The following GBF1 variants were observed in gnomAD, a reference collection of about 807,000 sequenced individuals.
GBF1 encodes golgi brefeldin A resistant guanine nucleotide exchange factor 1, also known as Golgi-specific brefeldin A-resistance guanine nucleotide exchange factor 1.
A neutral mutation model predicts 210.5 loss-of-function variants in GBF1; 114 were observed. The ratio of observed to expected loss-of-function variants is 0.54; its 90% CI spans 0.47 to 0.63. The LOEUF (loss-of-function observed/expected upper bound fraction) is 0.63. GBF1 is among the 30% of genes least tolerant of loss of function. The pLI, the probability that GBF1 is intolerant of heterozygous loss-of-function variation, is 0.00. For synonymous variants in GBF1, 850 were observed against 889.2 expected (o/e 0.96, Z 0.78); for missense variants, 1,851 against 2,357.7 (o/e 0.79, Z 4.45).
intron 3 of GBF1, among the ~76,000 whole-genome samples, chr10:102,312,937 C>T (rs1386599734): frequency 6.6e-6 from 1 of 152,042 alleles, no homozygotes; most frequent in Non-Finnish European, 1.5e-5. Context: ...TGGCTAGGCT[C>T]ATCTTGATGG....
chr10:102,309,977 A>G (rs552358991), intron 3 of GBF1, among the ~76,000 whole-genome samples: 1 of 152,356 alleles, frequency 6.6e-6, no homozygotes, highest in African/African-American at 2.4e-5. Flanking sequence ...TAGGGAAAAT[A>G]CAACCAACTG....
At chr10:102,252,556 A>G (rs1330666105) in intron 1 of GBF1, among the ~76,000 whole-genome samples, 1 of 152,060 alleles carries the variant, frequency 6.6e-6, no homozygotes, top group East Asian at 1.9e-4. Flanking sequence ...TTTAAAAAGT[A>G]GGAATGATGT....
intron 3 of GBF1, among the ~76,000 whole-genome samples, chr10:102,268,586 T>C (rs982265943): frequency 2.6e-5 from 4 of 152,086 alleles, no homozygotes; most frequent in Non-Finnish European, 2.9e-5. Context: ...AGCCAGCTGC[T>C]GTTTTTTTTT....
chr10:102,271,374 G>A (rs2074402305), intron 3 of GBF1, among the ~76,000 whole-genome samples: 1 of 151,992 alleles, frequency 6.6e-6, no homozygotes, highest in Non-Finnish European at 1.5e-5. Flanking sequence ...TGTAGAGACA[G>A]GATCTTGCTG....
the GBF1 span, among the ~76,000 whole-genome samples, chr10:102,234,525 G>T: frequency 6.6e-6 from 1 of 152,184 alleles, no homozygotes; most frequent in Non-Finnish European, 1.5e-5. Context: ...ACAATGCTCT[G>T]ATGGAAGGGA....
intron 3 of GBF1, among the ~76,000 whole-genome samples, chr10:102,297,561 G>C (rs758663079): frequency 2.6e-5 from 4 of 152,210 alleles, no homozygotes; most frequent in Admixed American, 2.0e-4. Flanking sequence ...CTTGTAGATA[G>C]ATTTGAATAG....
chr10:102,303,920 A>G (rs1202298698), intron 3 of GBF1, among the ~76,000 whole-genome samples: 1 of 152,110 alleles, frequency 6.6e-6, no homozygotes, highest in East Asian at 1.9e-4. Context: ...TTGTCATTTT[A>G]CAGATGCAGA....
chr10:102,343,788 A>G (rs555351204), intron 3 of GBF1, among the ~76,000 whole-genome samples: 1 of 127,842 alleles, frequency 7.8e-6, no homozygotes, highest in Admixed American at 8.5e-5. Flanking sequence ...CCAAAGCAGG[A>G]CTCTGTCTGA....
chr10:102,235,826 A>G, the GBF1 span, among the ~76,000 whole-genome samples: 1 of 152,290 alleles, frequency 6.6e-6, no homozygotes, highest in East Asian at 1.9e-4. Flanking sequence ...TTACTGAGAG[A>G]TAGGCAACAC....
At chr10:102,360,969 C>T (rs1469691472) in intron 12 of GBF1, 53 bp from the exon 13 acceptor site, 38 of 900,944 alleles carry the variant, frequency 4.2e-5, no homozygotes, top group Middle Eastern at 2.2e-4. Context: ...AGTGAAACTC[C>T]GCCTCAAAAA....
chr10:102,355,801 A>G (rs1241555200), intron 8 of GBF1, among the ~76,000 whole-genome samples: 1 of 152,194 alleles, frequency 6.6e-6, no homozygotes, highest in Non-Finnish European at 1.5e-5. Context: ...TGGGAGCTCA[A>G]TGATAACTGC....
Position 102,368,254 on chromosome 10 carries a change from C to T in GBF1, c.2679C>T (p.Gly893=), listed in dbSNP as rs1485706960. The T allele has an allele frequency of 6.2e-7, 1 of 1,613,950 alleles. No homozygotes were observed. Among genetic ancestry groups the T allele is most frequent in the Non-Finnish European group, 8.5e-7 (1 of 1,179,822 alleles). Residue 893 remains glycine, a synonymous_variant, in exon 22 of 40, where the codon GGC becomes GGT. Coordinates refer to ENST00000369983, the MANE Select transcript of GBF1 (RefSeq NM_001377137.1). ...TTGTAATGCCTGAGGAGCAGACAGG[C>T]TTGGTTCGGGAGAACTATGTGTGGA... ...EEIVMPEEQT[G]LVRENYVWNV...
At chr10:102,282,399 C>T (rs866924069) in intron 3 of GBF1, among the ~76,000 whole-genome samples, 14 of 152,004 alleles carry the variant, frequency 9.2e-5, no homozygotes, top group African/African-American at 3.1e-4. Context: ...TGGAAAAAGG[C>T]GATGAGGTTA....
At chr10:102,259,076 A>G (rs569055141) in intron 2 of GBF1, 42 bp downstream of exon 2, 8 of 969,540 alleles carry the variant, frequency 8.3e-6, no homozygotes, top group African/African-American at 4.8e-5. Flanking sequence ...CTAAGTTTTT[A>G]TAGGGGATCT....
chr10:102,232,558 T>C, the GBF1 span, among the ~76,000 whole-genome samples: 1 of 152,042 alleles, frequency 6.6e-6, no homozygotes, highest in African/African-American at 2.4e-5. Flanking sequence ...GGCACGTGCC[T>C]GTAATCTCAG....
At chr10:102,358,229 G>T in intron 9 of GBF1, 43 bp downstream of exon 9, 1 of 1,552,058 alleles carries the variant, frequency 6.4e-7, no homozygotes, top group Non-Finnish European at 8.8e-7. Flanking sequence ...CAAAAGAAGA[G>T]CTCCTTTCTC....
At chr10:102,271,052 T>A (rs1050224594) in intron 3 of GBF1, among the ~76,000 whole-genome samples, 5 of 151,458 alleles carry the variant, frequency 3.3e-5, no homozygotes, top group Middle Eastern at 3.2e-3. Context: ...TATTATTATT[T>A]TTTGAGATGG....
At chr10:102,369,799 G>C (rs776959008) in intron 25 of GBF1, 24 bp downstream of exon 25, 1 of 1,614,024 alleles carries the variant, frequency 6.2e-7, no homozygotes, top group Non-Finnish European at 8.5e-7. Flanking sequence ...AGAGGCTCAG[G>C]GGCTTGGGGA....
intron 3 of GBF1, among the ~76,000 whole-genome samples, chr10:102,290,091 AG>A (rs1168933502): frequency 6.6e-6 from 1 of 152,240 alleles, no homozygotes; most frequent in African/African-American, 2.4e-5. Flanking sequence ...CCTGGGCAAC[AG>A]AGTAAGACCC....
Sources: gnomAD v4.1 joint callset for allele counts (sites outside exome capture counted in the v4.1 genomes callset) on GRCh38, gnomAD v4.1.1 for gene constraint, MANE v1.5 for transcripts, NCBI Gene and HGNC (gene_info 2026-07-23, HGNC 2026-07-21) for gene names.